Variants in NALF1 observed in about 807,000 individuals in gnomAD.
The protein encoded by NALF1 is family with sequence similarity 155 member A.
NALF1 carries 3 observed loss-of-function variants against 48.4 expected under a neutral mutation model. The ratio of observed to expected loss-of-function variants is 0.06; its 90% CI spans 0.03 to 0.16. The LOEUF is 0.16. Ranked by LOEUF, NALF1 falls within the 10% of genes least tolerant of loss-of-function variation. The pLI is 1.00. For synonymous variants in NALF1, 262 were observed against 245.7 expected (o/e 1.07, Z -0.62); for missense variants, 526 against 571.5 (o/e 0.92, Z 0.81).
At chr13:107,548,409 T>TGTGAATA (rs916782649) in intron 1 of NALF1, among the ~76,000 whole-genome samples, 1 of 152,152 alleles carries the variant, frequency 6.6e-6, no homozygotes, top group Admixed American at 6.6e-5. Context: ...TCTTTGTTAT[T>TGTGAATA]GTGAATAGTG....
At chr13:107,668,369 T>C (rs1415097494) in intron 1 of NALF1, among the ~76,000 whole-genome samples, 1 of 151,974 alleles carries the variant, frequency 6.6e-6, no homozygotes, top group Non-Finnish European at 1.5e-5. Context: ...CAGGTAGTTT[T>C]GCTCCTGTTG....
chr13:107,367,268 A>C (rs1883167960), intron 1 of NALF1, among the ~76,000 whole-genome samples: 1 of 152,212 alleles, frequency 6.6e-6, no homozygotes, highest in South Asian at 2.1e-4. Context: ...ACTGGGTTGT[A>C]AAGCAAACCT....
chr13:107,420,219 G>A (rs1319300145), intron 1 of NALF1, among the ~76,000 whole-genome samples: 1 of 152,056 alleles, frequency 6.6e-6, no homozygotes, highest in African/African-American at 2.4e-5. Context: ...TAGCAATAAA[G>A]ATATTTTGCT....
At position 107,641,547 on chromosome 13, in the gene NALF1, G is replaced by A. The variant is rs1399362949; in HGVS notation, c.915+224135C>T. The stretch of plus-strand genomic sequence containing the variant: ...CATTCATTTAAAAAAATAAACATGA[G>A]TCATAATTTTAGTTGGAAAAAACAA... On this transcript the variant is annotated intron_variant, in intron 1 of 2. Transcript: ENST00000375915. Among the ~76,000 whole-genome samples, 3 of 152,002 alleles carry A rather than the reference G, an allele frequency of 2.0e-5. No homozygotes were observed. In the East Asian group the frequency reaches 5.8e-4, roughly 29 times the overall value.
At chr13:107,481,346 G>A (rs10492714) in intron 1 of NALF1, among the ~76,000 whole-genome samples, 5,054 of 152,174 alleles carry the variant, frequency 0.033, 119 homozygotes, top group East Asian at 0.1. Context: ...GTTTGCTAAC[G>A]ATACATCTTG....
At chr13:107,244,917 T>C (rs1405139364) in intron 1 of NALF1, among the ~76,000 whole-genome samples, 1 of 152,196 alleles carries the variant, frequency 6.6e-6, no homozygotes, top group Non-Finnish European at 1.5e-5. Context: ...GATAAATATG[T>C]GTTTCCTATT....
intron 1 of NALF1, among the ~76,000 whole-genome samples, chr13:107,801,273 A>T (rs1371920454): frequency 6.6e-6 from 1 of 152,186 alleles, no homozygotes; most frequent in Non-Finnish European, 1.5e-5. Context: ...CTCATAGCTA[A>T]TTTTTCTTCT....
chr13:107,514,765 G>A (rs1396212196), intron 1 of NALF1, among the ~76,000 whole-genome samples: 2 of 152,120 alleles, frequency 1.3e-5, no homozygotes, highest in Non-Finnish European at 2.9e-5. Context: ...GGTAGAGCCT[G>A]GTCTGTATGA....
chr13:107,586,403 G>A (rs1878458417), intron 1 of NALF1, among the ~76,000 whole-genome samples: 3 of 152,064 alleles, frequency 2.0e-5, no homozygotes. Flanking sequence ...GTTTGCATGT[G>A]ACGGCCCTGT....
intron 1 of NALF1, among the ~76,000 whole-genome samples, chr13:107,753,183 TC>T (rs1243387050): frequency 6.6e-6 from 1 of 152,210 alleles, no homozygotes; most frequent in East Asian, 1.9e-4. Flanking sequence ...TAGATATCTG[TC>T]CACTCATCCA....
chr13:107,675,964 G>A (rs768476769), intron 1 of NALF1, among the ~76,000 whole-genome samples: 6 of 152,044 alleles, frequency 3.9e-5, no homozygotes, highest in Non-Finnish European at 5.9e-5. Flanking sequence ...GAGTCTCATC[G>A]GAAACTGTCA....
At chr13:107,713,292 A>G (rs1387279900) in intron 1 of NALF1, among the ~76,000 whole-genome samples, 1 of 152,190 alleles carries the variant, frequency 6.6e-6, no homozygotes, top group Non-Finnish European at 1.5e-5. Flanking sequence ...TCAGAACACA[A>G]TCATATACTT....
At chr13:107,836,557 T>G (rs1252259515) in intron 1 of NALF1, among the ~76,000 whole-genome samples, 1 of 151,986 alleles carries the variant, frequency 6.6e-6, no homozygotes, top group African/African-American at 2.4e-5. Flanking sequence ...TTTAATTTTA[T>G]AAAAAAATAA....
At chr13:107,175,017 G>A (rs1475523906) in intron 2 of NALF1, among the ~76,000 whole-genome samples, 1,240 of 123,184 alleles carry the variant, frequency 0.01, no homozygotes, top group African/African-American at 0.019. Context: ...CCGAGTAGCT[G>A]GGACTACAGG....
At chr13:107,470,487 A>T (rs544229526) in intron 1 of NALF1, among the ~76,000 whole-genome samples, 31 of 152,326 alleles carry the variant, frequency 2.0e-4, no homozygotes, top group Admixed American at 1.0e-3. Flanking sequence ...TGCATTGCTC[A>T]CTTTTGGTCC....
chr13:107,295,648 G>A (rs1181321382), intron 1 of NALF1, among the ~76,000 whole-genome samples: 1 of 152,174 alleles, frequency 6.6e-6, no homozygotes, highest in Non-Finnish European at 1.5e-5. Flanking sequence ...GAAGGAGTGG[G>A]AGGAGGGTGG....
intron 1 of NALF1, among the ~76,000 whole-genome samples, chr13:107,703,737 C>T (rs1389215909): frequency 1.3e-5 from 2 of 151,974 alleles, no homozygotes; most frequent in Non-Finnish European, 2.9e-5. Context: ...TTCTTTTTCC[C>T]CCGGAGTCCT....
At chr13:107,203,366 A>G (rs1375608625) in intron 2 of NALF1, among the ~76,000 whole-genome samples, 2 of 152,142 alleles carry the variant, frequency 1.3e-5, no homozygotes, top group Non-Finnish European at 2.9e-5. Context: ...GGAGATCACT[A>G]CATGCTTTGA....
At chr13:107,597,484 T>G (rs1878788233) in intron 1 of NALF1, among the ~76,000 whole-genome samples, 1 of 152,160 alleles carries the variant, frequency 6.6e-6, no homozygotes, top group African/African-American at 2.4e-5. Flanking sequence ...GCATGAATTT[T>G]TGTGTGTGCA....
Sources: allele counts gnomAD v4.1 joint callset (sites outside exome capture counted in the v4.1 genomes callset), GRCh38; gene constraint gnomAD v4.1.1; transcripts MANE v1.5; gene names NCBI Gene and HGNC (gene_info 2026-07-23, HGNC 2026-07-21).